The following NAV2 variants were observed in gnomAD, a reference collection of about 807,000 sequenced individuals.
The protein encoded by NAV2 is neuron navigator 2.
A neutral mutation model predicts 223.2 loss-of-function variants in NAV2; 54 were observed. The ratio of observed to expected loss-of-function variants is 0.24; its 90% confidence interval spans 0.19 to 0.30. The LOEUF is 0.30. Among genes scored for constraint, NAV2 ranks in the 10% least tolerant of loss-of-function variants. The pLI, the probability that NAV2 is intolerant of heterozygous loss-of-function variation, is 1.00. For missense variants in NAV2, 2,806 were observed against 3,147.5 expected, an observed-to-expected ratio of 0.89 and a Z score of 2.60; for synonymous variants, 1,279 against 1,239.3, an observed-to-expected ratio of 1.03 and a Z score of -0.67.
At chr11:19,914,860 A>G (rs2043662934) in intron 6 of NAV2, among the ~76,000 whole-genome samples, 1 of 152,198 alleles carries the variant, frequency 6.6e-6, no homozygotes, top group Admixed American at 6.5e-5. Flanking sequence ...TCCTGTTCTT[A>G]AAAGTTCTTC....
At chr11:19,842,316 T>C (rs972592189) in intron 2 of NAV2, among the ~76,000 whole-genome samples, 2 of 152,210 alleles carry the variant, frequency 1.3e-5, no homozygotes, top group Non-Finnish European at 2.9e-5. Context: ...ACTTACTGTG[T>C]GGCGTTGGTC....
At position 19,968,231 on chromosome 11, in the gene NAV2, C is replaced by G. The variant is rs192399782; in HGVS notation, c.2646-15894C>G. On this transcript the variant is annotated intron_variant, in intron 10 of 37. Coordinates refer to ENST00000349880, the MANE Select transcript of NAV2 (RefSeq NM_145117.5). ...GTTTGTTTTGAGATAGAGTTTCACT[C>G]TTGTTGCCCAGGCTGGAGTGCAGTG... Among the ~76,000 whole-genome samples the G allele has an allele frequency of 6.1e-3, 933 of 152,242 alleles. 13 individuals are homozygous for G. Among genetic ancestry groups the G allele is most frequent in the African/African-American group, 0.022 (894 of 41,550 alleles).
intron 1 of NAV2, among the ~76,000 whole-genome samples, chr11:19,687,784 CGTGT>C (rs10523150): frequency 4.0e-5 from 6 of 150,812 alleles, no homozygotes; most frequent in South Asian, 4.2e-4. Context: ...TGTATGCATG[CGTGT>C]GTGTGTGTGT....
intron 1 of NAV2, among the ~76,000 whole-genome samples, chr11:19,785,719 G>T (rs993780544): frequency 6.6e-6 from 1 of 151,700 alleles, no homozygotes; most frequent in African/African-American, 2.4e-5. Flanking sequence ...CCACTGTATG[G>T]GGAGGAGTGG....
intron 37 of NAV2, 135 bp from the exon 38 acceptor site, chr11:20,117,998 A>ATGTTCT: frequency 1.0e-6 from 1 of 957,768 alleles, no homozygotes; most frequent in Non-Finnish European, 1.6e-6. Flanking sequence ...CCCAAAGTCC[A>ATGTTCT]TGTTCTTGTC....
chr11:19,484,562 G>A (rs573877483), intron 1 of NAV2, among the ~76,000 whole-genome samples: 1 of 152,352 alleles, frequency 6.6e-6, no homozygotes, highest in Non-Finnish European at 1.5e-5. Context: ...TGGGATGACA[G>A]CATCCTATTC....
At position 19,368,707 on chromosome 11, in the gene NAV2, T is replaced by G. The variant is rs539086476; in HGVS notation, c.75+17680T>G. The stretch of plus-strand genomic sequence containing the variant: ...TAAAGGACCTGAAGCTAAGGGAAGT[T>G]AAAAGTCAAAGTCACACAGCAAATA... On this transcript the variant is annotated intron_variant, in intron 1 of 37. Coordinates refer to the NAV2 transcript ENST00000360655. Among the ~76,000 whole-genome samples, 6 of 152,324 alleles carry G rather than the reference T, an allele frequency of 3.9e-5. No homozygotes were observed. In the South Asian group the frequency reaches 1.2e-3, roughly 32 times the overall value.
intron 1 of NAV2, among the ~76,000 whole-genome samples, chr11:19,770,736 C>A (rs2055653247): frequency 6.6e-6 from 1 of 151,936 alleles, no homozygotes; most frequent in African/African-American, 2.4e-5. Flanking sequence ...TATTTTTTAC[C>A]CTGAACGCCT....
intron 14 of NAV2, among the ~76,000 whole-genome samples, chr11:20,048,339 G>A (rs182212346): frequency 2.0e-5 from 3 of 152,298 alleles, no homozygotes; most frequent in East Asian, 1.9e-4. Context: ...GCCTGGGGCC[G>A]CAGAGACAGA....
intron 20 of NAV2, 104 bp from the exon 21 acceptor site, chr11:20,068,082 C>T (rs879502428): frequency 6.8e-5 from 72 of 1,054,414 alleles, no homozygotes; most frequent in Non-Finnish European, 8.3e-5. Flanking sequence ...ACTAATAATT[C>T]TTCCAGACTG....
At chr11:19,609,426 G>T (rs1430106354) in intron 1 of NAV2, among the ~76,000 whole-genome samples, 2 of 152,168 alleles carry the variant, frequency 1.3e-5, no homozygotes, top group Non-Finnish European at 2.9e-5. Flanking sequence ...AACACCTTCT[G>T]CAGAGGGGAG....
At position 19,998,170 on chromosome 11, in the gene NAV2, G is replaced by T. The variant is rs12417603; in HGVS notation, c.2768+13923G>T. Among the ~76,000 whole-genome samples the T allele has an allele frequency of 0.29, 44,010 of 151,918 alleles. 6,899 individuals are homozygous for T. The highest frequency in any genetic ancestry group is 0.41 in the African/African-American group (17,045 of 41,418). ...AAGATAATTGATAAGACTGACTGAAGAGTTTTCCTCCCCCTTTTCCTTCCA... is the reference window on the plus strand; with the variant it reads ...AAGATAATTGATAAGACTGACTGAATAGTTTTCCTCCCCCTTTTCCTTCCA... On this transcript the variant is annotated intron_variant, in intron 11 of 37. Transcript: ENST00000349880. This position sits in a 1 kb window ranked among gnomAD's most constrained non-coding sequence, Gnocchi z 5.0.
intron 6 of NAV2, among the ~76,000 whole-genome samples, chr11:19,893,286 C>T (rs568803589): frequency 6.6e-6 from 1 of 152,152 alleles, no homozygotes; most frequent in East Asian, 1.9e-4. Flanking sequence ...ATTGGAGAAA[C>T]TAAGGTAGTT....
chr11:19,752,595 C>G (rs552310403), intron 1 of NAV2, among the ~76,000 whole-genome samples: 1 of 152,204 alleles, frequency 6.6e-6, no homozygotes, highest in African/African-American at 2.4e-5. Flanking sequence ...TTTTTAAAAA[C>G]TTAGTACATC....
chr11:20,072,523 G>A (rs2153646253), intron 22 of NAV2, among the ~76,000 whole-genome samples: 1 of 152,230 alleles, frequency 6.6e-6, no homozygotes, highest in Admixed American at 6.5e-5. Context: ...AATTACTTTG[G>A]GCAGTATGGC....
chr11:19,729,708 C>T (rs766684256), intron 1 of NAV2, among the ~76,000 whole-genome samples: 2 of 152,178 alleles, frequency 1.3e-5, no homozygotes, highest in Admixed American at 6.5e-5. Context: ...AGTGCCATTT[C>T]TCCTTATTAG....
chr11:19,933,150 A>G lies in NAV2; in HGVS notation c.932-26A>G. The G allele has an allele frequency of 6.7e-7, 1 of 1,496,586 alleles. No homozygotes were observed. The allele number at this position is 1,496,586 out of a possible 1,614,324, so 92.7% of individuals were successfully genotyped here. ...CAGTGCAGGTCAACAAGTATGATTC[A>G]GGCCTCCTCTCTTCTGTCTCTGCAG... On this transcript the variant is annotated intron_variant, in intron 6 of 37. Transcript: ENST00000349880. This position sits in a 1 kb window ranked among gnomAD's most constrained non-coding sequence, Gnocchi z 4.3.
rs1346760703 is a variant in NAV2, at chr11:20,093,212, C to G, written c.5916+13C>G. The G allele has an allele frequency of 6.4e-7, 1 of 1,572,788 alleles. No homozygotes were observed. The highest frequency in any genetic ancestry group is 1.4e-5 in the African/African-American group (1 of 74,048). On this transcript the variant is annotated intron_variant, in intron 29 of 37. Coordinates refer to ENST00000349880, the MANE Select transcript of NAV2 (RefSeq NM_145117.5). ...GAAGTGGAAGGAGGTTAGTTGGATC[C>G]CTTTCCCTGCTTTGCCTGTCCCTCC...
chr11:19,862,149 T>G (rs986375850), intron 3 of NAV2, among the ~76,000 whole-genome samples: 5 of 152,256 alleles, frequency 3.3e-5, no homozygotes, highest in South Asian at 2.1e-4. Flanking sequence ...AGAGATAATT[T>G]TTTTTTGTAT....
Sources: gnomAD v4.1 joint callset for allele counts (sites outside exome capture counted in the v4.1 genomes callset) on GRCh38, gnomAD v4.1.1 for gene constraint, Gnocchi (gnomAD v3.1) non-coding constraint, MANE v1.5 for transcripts, NCBI Gene and HGNC (gene_info 2026-07-23, HGNC 2026-07-21) for gene names.